RALA: variants seen among roughly 807,000 people sequenced by gnomAD.
RALA encodes the protein RAS like proto-oncogene A, also known as ras-related protein Ral-A.
A neutral mutation model predicts 24.0 loss-of-function variants in RALA; 5 were observed. The ratio of observed to expected loss-of-function variants is 0.21; its 90% CI spans 0.11 to 0.44. The LOEUF (loss-of-function observed/expected upper bound fraction) is 0.44. Ranked by LOEUF, RALA falls within the 20% of genes least tolerant of loss-of-function variation. The probability of loss-of-function intolerance (pLI) is 0.99; values close to 1 mark genes in which losing one functional copy is unlikely to be tolerated. For synonymous variants in RALA, 77 were observed against 83.8 expected (o/e 0.92, Z 0.44); for missense variants, 95 against 241.2 (o/e 0.39, Z 4.01).
intron 1 of RALA, among the ~76,000 whole-genome samples, chr7:39,666,345 C>G (rs1298861626): frequency 6.6e-5 from 10 of 152,096 alleles, no homozygotes; most frequent in Admixed American, 6.6e-4. Context: ...GCTCAAGTTC[C>G]ACCTGTGCCT....
At chr7:39,627,149 T>C (rs1368924743) in intron 1 of RALA, among the ~76,000 whole-genome samples, 2 of 152,204 alleles carry the variant, frequency 1.3e-5, no homozygotes, top group African/African-American at 2.4e-5. Flanking sequence ...GTAACAGTTA[T>C]TCTGTTTTTT....
At chr7:39,657,092 G>A (rs1023170119) in intron 1 of RALA, among the ~76,000 whole-genome samples, 3 of 151,974 alleles carry the variant, frequency 2.0e-5, no homozygotes, top group Admixed American at 6.6e-5. Flanking sequence ...TCAGTCTCCC[G>A]GGTAGCTGGG....
rs192173996 is a variant in RALA, at chr7:39,669,044, G to A, written c.-37-17587G>A. Reference sequence around the variant, plus strand: ...CAGGAGAATCGCTTGAACCTGGGAGGCAGAGGTTGCAGTGAACCGAGATCG... The same window carrying A: ...CAGGAGAATCGCTTGAACCTGGGAGACAGAGGTTGCAGTGAACCGAGATCG... On this transcript the variant is annotated intron_variant, in intron 1 of 4. Transcript: ENST00000005257. 2.4e-3 allele frequency among the ~76,000 whole-genome samples: 367 copies of A among 152,062 alleles called. 1 individual carries two copies. The highest frequency in any genetic ancestry group is 8.6e-3 in the African/African-American group (357 of 41,464).
At chr7:39,653,038 A>AT (rs1792044263) in intron 1 of RALA, among the ~76,000 whole-genome samples, 3 of 145,154 alleles carry the variant, frequency 2.1e-5, no homozygotes, top group South Asian at 4.4e-4. Context: ...TATTATTATT[A>AT]TTATTTTTTG....
At chr7:39,632,467 C>G (rs1791614359) in intron 1 of RALA, among the ~76,000 whole-genome samples, 1 of 152,092 alleles carries the variant, frequency 6.6e-6, no homozygotes, top group Non-Finnish European at 1.5e-5. Flanking sequence ...AATAGTTTGG[C>G]TATGTATATA....
rs547138207 is a variant in RALA at position 39,648,311 on chromosome 7, A to G, written c.-38+24486A>G. 6.6e-5 allele frequency among the ~76,000 whole-genome samples: 10 copies of G among 152,320 alleles called. No individual in the cohort carries two copies. The East Asian group carries it at 1.7e-3, about 26-fold the overall frequency. Reference sequence around the variant, plus strand: ...CTTATACTCTAGTCCTCTTTCTGCTATCATGTGTAATCCAGAGCTTTATGT... The same window carrying G: ...CTTATACTCTAGTCCTCTTTCTGCTGTCATGTGTAATCCAGAGCTTTATGT... On this transcript the variant is annotated intron_variant, in intron 1 of 4. Coordinates refer to ENST00000005257, the MANE Select transcript of RALA (RefSeq NM_005402.4).
At chr7:39,626,431 G>A (rs1791489048) in intron 1 of RALA, among the ~76,000 whole-genome samples, 2 of 152,214 alleles carry the variant, frequency 1.3e-5, no homozygotes, top group Admixed American at 6.5e-5. Context: ...AATCCTAAAT[G>A]GCTGTGGAAA....
intron 1 of RALA, among the ~76,000 whole-genome samples, chr7:39,653,398 C>G (rs138002888): frequency 9.8e-4 from 149 of 152,270 alleles, no homozygotes; most frequent in African/African-American, 3.5e-3. Context: ...ACAGTCATGT[C>G]TCACTGCAGC....
chr7:39,640,305 G>A (rs1791790317), intron 1 of RALA, among the ~76,000 whole-genome samples: 1 of 152,178 alleles, frequency 6.6e-6, no homozygotes, highest in Non-Finnish European at 1.5e-5. Context: ...CCAAAGTGCT[G>A]GGATTACAGG....
chr7:39,667,820 T>G (rs1487339945), intron 1 of RALA, among the ~76,000 whole-genome samples: 1 of 152,200 alleles, frequency 6.6e-6, no homozygotes, highest in Non-Finnish European at 1.5e-5. Flanking sequence ...TAAACTCTAT[T>G]CTTTTGATAT....
intron 1 of RALA, among the ~76,000 whole-genome samples, chr7:39,674,901 G>A (rs1244959092): frequency 7.4e-6 from 1 of 134,436 alleles, no homozygotes; most frequent in African/African-American, 2.9e-5. Flanking sequence ...TCAGCTCACT[G>A]CAACCTCCAC....
intron 1 of RALA, among the ~76,000 whole-genome samples, chr7:39,685,791 A>T (rs1792689791): frequency 6.6e-6 from 1 of 152,242 alleles, no homozygotes; most frequent in South Asian, 2.1e-4. Context: ...AGTTGTTGGG[A>T]TGGGATGTCT....
At chr7:39,662,413 T>C (rs1792208278) in intron 1 of RALA, among the ~76,000 whole-genome samples, 1 of 152,228 alleles carries the variant, frequency 6.6e-6, no homozygotes, top group Non-Finnish European at 1.5e-5. Flanking sequence ...AGTTCTATGC[T>C]GTTTCCCTTT....
chr7:39,651,266 T>C (rs577520568), intron 1 of RALA, among the ~76,000 whole-genome samples: 16 of 152,374 alleles, frequency 1.1e-4, no homozygotes, highest in Admixed American at 3.9e-4. Flanking sequence ...TTTCGACTTA[T>C]GATGTTTTCA....
intron 3 of RALA, among the ~76,000 whole-genome samples, chr7:39,696,283 C>G (rs1419378804): frequency 6.6e-6 from 1 of 152,178 alleles, no homozygotes; most frequent in Admixed American, 6.6e-5. Flanking sequence ...ACCAATAACC[C>G]TACTTTAATC....
intron 1 of RALA, among the ~76,000 whole-genome samples, chr7:39,677,153 G>A (rs1438430666): frequency 6.6e-6 from 1 of 152,218 alleles, no homozygotes; most frequent in African/African-American, 2.4e-5. Context: ...GCCAAGGGAT[G>A]CCCCAGGCTC....
At chr7:39,643,402 G>A (rs993414004) in intron 1 of RALA, among the ~76,000 whole-genome samples, 3 of 152,172 alleles carry the variant, frequency 2.0e-5, no homozygotes, top group African/African-American at 7.2e-5. Context: ...TGATCAGCGG[G>A]GGACAACTAT....
intron 1 of RALA, among the ~76,000 whole-genome samples, chr7:39,662,872 ATGC>A (rs1170463632): frequency 6.6e-6 from 1 of 152,162 alleles, no homozygotes; most frequent in African/African-American, 2.4e-5. Context: ...GTCTGTTTTC[ATGC>A]TGCTGATAAA....
chr7:39,633,258 G>T (rs918912155), intron 1 of RALA, among the ~76,000 whole-genome samples: 1 of 152,188 alleles, frequency 6.6e-6, no homozygotes, highest in Admixed American at 6.5e-5. Flanking sequence ...AGACATACCC[G>T]AGAATGGGTA....
Sources: gnomAD v4.1 joint callset for allele counts (sites outside exome capture counted in the v4.1 genomes callset) on GRCh38, gnomAD v4.1.1 for gene constraint, MANE v1.5 for transcripts, NCBI Gene and HGNC (gene_info 2026-07-23, HGNC 2026-07-21) for gene names.